The following MIB2 variants were observed in gnomAD, a reference collection of about 807,000 sequenced individuals.
MIB2 encodes MIB E3 ubiquitin protein ligase 2, also known as E3 ubiquitin-protein ligase MIB2.
MIB2 carries 78 observed loss-of-function variants against 96.6 expected under a neutral mutation model. The ratio of observed to expected loss-of-function variants is 0.81; its 90% CI spans 0.67 to 0.97. The LOEUF is 0.97. Among genes scored for constraint, MIB2 ranks in the 50% least tolerant of loss-of-function variants. The pLI is 0.00. For synonymous variants in MIB2, 820 were observed against 629.5 expected (o/e 1.30, Z -4.53); for missense variants, 1,543 against 1,424.0 (o/e 1.08, Z -1.35).
intron 4 of MIB2, 136 bp from the exon 5 acceptor site, chr1:1,624,659 C>A: frequency 1.2e-6 from 1 of 814,054 alleles, no homozygotes; most frequent in Non-Finnish European, 2.0e-6. Context: ...CATTCCCGGG[C>A]AAGAGCTGGG....
intron 16 of MIB2, 42 bp from the exon 17 acceptor site, chr1:1,629,090 TG>T: frequency 7.1e-7 from 1 of 1,401,742 alleles, no homozygotes; most frequent in South Asian, 1.6e-5. Flanking sequence ...CCCTCGGGCC[TG>T]CCCCGGCGCC....
chr1:1,615,813 G>T, intron 1 of MIB2, 180 bp downstream of exon 1: 1 of 1,310,838 alleles, frequency 7.6e-7, no homozygotes, highest in Non-Finnish European at 9.7e-7. Context: ...GCCGCCGCGG[G>T]GCCTCCTGGG....
At chr1:1,616,162 G>T in intron 1 of MIB2, 3 of 939,676 alleles carry the variant, frequency 3.2e-6, no homozygotes, top group Non-Finnish European at 3.8e-6. Flanking sequence ...CGCGAGCCAC[G>T]GGCACGAATG....
In MIB2 at chr1:1,626,140, CG is replaced by C. The variant is rs1644738283; in HGVS notation, c.972+491del. On this transcript the variant is annotated intron_variant, in intron 8 of 19. Coordinates refer to ENST00000355826, the MANE Select transcript of MIB2 (RefSeq NM_001170687.4). The surrounding 1 kb of genome is among the most constrained non-coding windows in gnomAD (Gnocchi z 5.3). ...TGGATGGCCCTGGGAGGGGCAGGCC[CG>C]GGGCAAAGCGTCAGAGCTCAGCTCT... 1 of 195,360 alleles carries C rather than the reference CG, an allele frequency of 5.1e-6. No homozygotes were observed. Among genetic ancestry groups the C allele is most frequent in the African/African-American group, 2.4e-5 (1 of 42,534 alleles). 12.1% of individuals were successfully genotyped at this position (195,360 alleles called of 1,614,324 possible). A position where few individuals can be genotyped will look rare whatever the true frequency, so the allele number is the denominator to read the frequency against.
rs1219639953 is a variant in MIB2, at chr1:1,625,524, A to T, written c.865-22A>T. On this transcript the variant is annotated intron_variant, in intron 7 of 19. Coordinates refer to ENST00000355826, the MANE Select transcript of MIB2 (RefSeq NM_001170687.4). The surrounding 1 kb of genome is among the most constrained non-coding windows in gnomAD (Gnocchi z 5.0). ...CCCAAGCGTCCAGCCCGACCCAGCC[A>T]CAGCTCCATGACCCGCCACAGTTTA... The T allele has an allele frequency of 2.8e-6, 4 of 1,415,452 alleles. No individual in the cohort carries two copies. Among genetic ancestry groups the T allele is most frequent in the Non-Finnish European group, 3.8e-6 (4 of 1,062,688 alleles). The allele number at this position is 1,415,452 out of a possible 1,614,324, so 87.7% of individuals were successfully genotyped here.
At chr1:1,615,926 G>C in intron 1 of MIB2, 1 of 994,794 alleles carries the variant, frequency 1.0e-6, no homozygotes, top group Non-Finnish European at 1.2e-6. Flanking sequence ...CGTCCGGGCC[G>C]GGTGGGCTGC....
Position 1,626,850 on chromosome 1 carries a change from T to A in MIB2, c.1091T>A (p.Val364Asp). Residue 364 changes from valine (V) to aspartate (D), a missense_variant, in exon 10 of 20, where the codon GTC (valine) becomes GAC (aspartate). Coordinates refer to ENST00000355826, the MANE Select transcript of MIB2 (RefSeq NM_001170687.4). This position sits in a 1 kb window ranked among gnomAD's most constrained non-coding sequence, Gnocchi z 5.3. ...TDDMAPALGR[V>D]GKVVKVFGDG... The stretch of plus-strand genomic sequence containing the variant: ...CCCTCCCCGCAGGCCCTGGGCCGCG[T>A]CGGGAAGGTGGTGAAAGTGTTTGGA... 6.3e-7 allele frequency: 1 copy of A among 1,599,498 alleles called. No homozygotes were observed. The highest frequency in any genetic ancestry group is 8.5e-7 in the Non-Finnish European group (1 of 1,178,210).
At position 1,625,398 on chromosome 1, in the gene MIB2, C is replaced by A; in HGVS notation, c.834C>A (p.Gly278=). Residue 278 remains glycine (G), a synonymous_variant, in exon 7 of 20, where the codon GGC becomes GGA. Transcript: ENST00000355826. This position sits in a 1 kb window ranked among gnomAD's most constrained non-coding sequence, Gnocchi z 5.0. The part of the protein sequence containing the change: ...DTDVLREMQE[G]HGGWNPRMAE... The stretch of plus-strand genomic sequence containing the variant: ...ATGTCCTGCGGGAGATGCAGGAAGG[C>A]CACGGCGGCTGGAACCCCAGGATGG... The A allele has an allele frequency of 6.3e-7, 1 of 1,577,740 alleles. No individual in the cohort carries two copies. Among genetic ancestry groups the A allele is most frequent in the Non-Finnish European group, 8.6e-7 (1 of 1,164,000 alleles).
chr1:1,627,605 C>G, intron 12 of MIB2, 68 bp from the exon 13 acceptor site: 2 of 1,525,102 alleles, frequency 1.3e-6, no homozygotes, highest in East Asian at 4.8e-5. Context: ...TCGGGCCTGG[C>G]GGGGCTGAGC....
chr1:1,617,841 C>G (rs926969170), intron 2 of MIB2: 1 of 152,248 alleles, frequency 6.6e-6, no homozygotes, highest in Non-Finnish European at 1.5e-5. Context: ...CAGCCAGGGG[C>G]ACAGCCTGTG....
In MIB2 at chr1:1,627,700, C is replaced by G; in HGVS notation, c.1551C>G (p.Leu517=). ...ACCAGCCCGAGGCCACCAGGGTGCT[C>G]CTGAGTGCTGGGTGCCGGGCGGACG... ...LGNQPEATRV[L]LSAGCRADAI... Residue 517 remains leucine (L), a synonymous_variant, in exon 13 of 20, where the codon CTC becomes CTG. Coordinates refer to ENST00000355826, the MANE Select transcript of MIB2 (RefSeq NM_001170687.4). 1 of 1,595,148 alleles carries G rather than the reference C, an allele frequency of 6.3e-7. No homozygotes were observed. Among genetic ancestry groups the G allele is most frequent in the Non-Finnish European group, 8.5e-7 (1 of 1,178,554 alleles).
In MIB2 at chr1:1,628,109, A is replaced by G; in HGVS notation, c.1771A>G (p.Ile591Val). Residue 591 changes from isoleucine (I) to valine (V), a missense_variant, in exon 14 of 20, where the codon ATC becomes GTC. By Grantham distance (29) the Ile-to-Val change is conservative. Coordinates refer to ENST00000355826, the MANE Select transcript of MIB2 (RefSeq NM_001170687.4). ...IVEVLTEVPN[I>V]DVTATNSQGF... ...CGAGGTCCTCACGGAGGTGCCAAAC[A>G]TCGATGTTACCGCCACCAACAGCCA... The G allele has an allele frequency of 1.2e-6, 2 of 1,613,284 alleles. No individual in the cohort carries two copies. Among genetic ancestry groups the G allele is most frequent in the Non-Finnish European group, 1.7e-6 (2 of 1,179,972 alleles).
rs1644702401 is a variant in MIB2 at position 1,625,784 on chromosome 1, G to A, written c.972+131G>A. The A allele has an allele frequency of 2.7e-6, 2 of 734,412 alleles. No homozygotes were observed. Among genetic ancestry groups the A allele is most frequent in the Admixed American group, 2.5e-5 (1 of 40,816 alleles). 45.5% of individuals were successfully genotyped at this position (734,412 alleles called of 1,614,324 possible). ...CACGAGTCCCCAGCCCTGAAGGAAG[G>A]GGAGGGACTGGTGGGTGGAGGTGGG... On this transcript the variant is annotated intron_variant, in intron 8 of 19. Coordinates refer to ENST00000355826, the MANE Select transcript of MIB2 (RefSeq NM_001170687.4). The surrounding 1 kb of genome is among the most constrained non-coding windows in gnomAD (Gnocchi z 5.0).
In MIB2 at chr1:1,627,301, C is replaced by T. The variant is rs375164424; in HGVS notation, c.1380C>T (p.Asp460=). 4 of 1,613,092 alleles carry T rather than the reference C, an allele frequency of 2.5e-6. No individual in the cohort carries two copies. Among genetic ancestry groups the T allele is most frequent in the Non-Finnish European group, 3.4e-6 (4 of 1,179,972 alleles). The part of the protein sequence containing the change: ...DLLRRRPEQV[D]TKNQGRTALQ... Reference sequence around the variant, plus strand: ...CCTGCTGGCACTCTTGGCAGGTGGACACCAAGAACCAAGGCAGGACCGCTC... The same window carrying T: ...CCTGCTGGCACTCTTGGCAGGTGGATACCAAGAACCAAGGCAGGACCGCTC... The change falls in exon 12 of 20, where the codon GAC becomes GAT. Residue 460 remains aspartate (D), a synonymous_variant. Coordinates refer to ENST00000355826, the MANE Select transcript of MIB2 (RefSeq NM_001170687.4).
chr1:1,627,222 C>T lies in MIB2; in HGVS notation c.1374+15C>T. 6.2e-7 allele frequency: 1 copy of T among 1,610,152 alleles called. No homozygotes were observed. The highest frequency in any genetic ancestry group is 8.5e-7 in the Non-Finnish European group (1 of 1,178,628). On this transcript the variant is annotated intron_variant, in intron 11 of 19. Transcript: ENST00000355826. ...GCCCAGAGCAGGCAAGCTCCTGACC[C>T]CGTCCTCCCATACTGGCCAGTCTGA... is the stretch of plus-strand genomic sequence containing the variant.
At position 1,623,640 on chromosome 1, in the gene MIB2, A is replaced by C; in HGVS notation, c.188A>C (p.Asn63Thr). 1 of 1,477,626 alleles carries C rather than the reference A, an allele frequency of 6.8e-7. No homozygotes were observed. Among genetic ancestry groups the C allele is most frequent in the Non-Finnish European group, 9.0e-7 (1 of 1,111,744 alleles). The allele number at this position is 1,477,626 out of a possible 1,614,324, so 91.5% of individuals were successfully genotyped here. A position where few individuals can be genotyped will look rare whatever the true frequency, so the allele number is the denominator to read the frequency against. The change falls in exon 3 of 20, where the codon AAC (asparagine) becomes ACC (threonine). Residue 63 changes from asparagine (N) to threonine (T), a missense_variant. Coordinates refer to ENST00000355826, the MANE Select transcript of MIB2 (RefSeq NM_001170687.4). ...VVQWDQGTRT[N>T]YRAGYQGAHD... is the part of the protein sequence containing the mutation. ...CAGTGGGACCAGGGCACGCGCACCA[A>C]CTACCGCGCCGGCTACCAGGGCGCG...
At chr1:1,617,690 G>C (rs1254536807) in intron 2 of MIB2, 1 of 152,192 alleles carries the variant, frequency 6.6e-6, no homozygotes, top group East Asian at 1.9e-4. Context: ...CTGGGACGCT[G>C]CCTCGAGGCT....
Position 1,626,480 on chromosome 1 carries a change from T to A in MIB2, c.973-170T>A. Reference sequence around the variant, plus strand: ...GACACCCAGGGCTGCCTTGGACACCTGGGGCTCTCGTCCAGCCAGAGCCTC... The same window carrying A: ...GACACCCAGGGCTGCCTTGGACACCAGGGGCTCTCGTCCAGCCAGAGCCTC... On this transcript the variant is annotated intron_variant, in intron 8 of 19. Transcript: ENST00000355826. The surrounding 1 kb of genome is among the most constrained non-coding windows in gnomAD (Gnocchi z 5.3). 1.7e-6 allele frequency: 1 copy of A among 605,672 alleles called. No homozygotes were observed. Among genetic ancestry groups the A allele is most frequent in the Non-Finnish European group, 2.9e-6 (1 of 347,900 alleles). The allele number at this position is 605,672 out of a possible 1,614,324, so 37.5% of individuals were successfully genotyped here. A position where few individuals can be genotyped will look rare whatever the true frequency, so the allele number is the denominator to read the frequency against.
Position 1,627,091 on chromosome 1 carries a change from C to A in MIB2, c.1258C>A (p.Leu420Met). The A allele has an allele frequency of 6.2e-7, 1 of 1,600,402 alleles. No individual in the cohort carries two copies. The highest frequency in any genetic ancestry group is 1.7e-5 in the Admixed American group (1 of 57,982). Residue 420 changes from leucine (L) to methionine (M), a missense_variant, in exon 11 of 20, where the codon CTG (leucine) becomes ATG (methionine). By Grantham distance (15) the Leu-to-Met change is conservative. Transcript: ENST00000355826. ...RENKSSLSVA[L>M]DKLRAQKSDP... The stretch of plus-strand genomic sequence containing the variant: ...GCCCCCAGGCTCACTGAGCGTGGCC[C>A]TGGACAAGCTTCGGGCCCAGAAGAG...
Sources: allele counts gnomAD v4.1 joint callset, GRCh38; gene constraint gnomAD v4.1.1; non-coding constraint Gnocchi (gnomAD v3.1); transcripts MANE v1.5; gene names NCBI Gene and HGNC (gene_info 2026-07-23, HGNC 2026-07-21).